Variants in OR14A2 observed in about 807,000 individuals in gnomAD.
OR14A2 encodes the protein olfactory receptor family 14 subfamily A member 2.
For missense variants in OR14A2, 237 were observed against 152.9 expected (o/e 1.55, Z -2.90); for synonymous variants, 114 against 58.6 (o/e 1.95, Z -4.32).
chr1:247,748,140 T>C, the OR14A2 span, among the ~76,000 whole-genome samples: 1 of 152,206 alleles, frequency 6.6e-6, no homozygotes, highest in Non-Finnish European at 1.5e-5. Flanking sequence ...ATATTTCTAA[T>C]TACATCATGT....
the OR14A2 span, among the ~76,000 whole-genome samples, chr1:247,739,740 T>G: frequency 2.0e-5 from 3 of 146,548 alleles, no homozygotes; most frequent in African/African-American, 8.2e-5. Context: ...GCACTTTTTT[T>G]TTTTAAAATT....
chr1:247,745,008 A>G, the OR14A2 span, among the ~76,000 whole-genome samples: 1 of 152,172 alleles, frequency 6.6e-6, no homozygotes, highest in African/African-American at 2.4e-5. Context: ...AGTGGCTTCA[A>G]GAGTTGATTA....
the OR14A2 span, among the ~76,000 whole-genome samples, chr1:247,741,955 T>C: frequency 6.6e-6 from 1 of 152,210 alleles, no homozygotes; most frequent in Non-Finnish European, 1.5e-5. Context: ...CGCCTTGTTT[T>C]CCAAAATTTT....
the OR14A2 span, among the ~76,000 whole-genome samples, chr1:247,735,445 T>G: frequency 1.3e-5 from 2 of 152,182 alleles, no homozygotes; most frequent in African/African-American, 4.8e-5. Flanking sequence ...TAAAGGTTTA[T>G]TCTCATGAGA....
the OR14A2 span, chr1:247,739,374 G>T: frequency 1.3e-6 from 1 of 780,774 alleles, no homozygotes; most frequent in Non-Finnish European, 2.4e-6. Flanking sequence ...TGTAACAGGT[G>T]CTGTTGCTTA....
At chr1:247,729,755 C>G in the OR14A2 span, among the ~76,000 whole-genome samples, 1 of 152,052 alleles carries the variant, frequency 6.6e-6, no homozygotes, top group South Asian at 2.1e-4. Context: ...GAATACTATT[C>G]TCAATGAAAT....
chr1:247,738,607 T>C, the OR14A2 span: 1 of 769,558 alleles, frequency 1.3e-6, no homozygotes, highest in Admixed American at 1.8e-5. Flanking sequence ...CGCTTATAAT[T>C]TTGAACTATG....
At chr1:247,731,784 T>C in the OR14A2 span, among the ~76,000 whole-genome samples, 11 of 152,262 alleles carry the variant, frequency 7.2e-5, no homozygotes, top group East Asian at 2.1e-3. Flanking sequence ...TTTTTTTTCT[T>C]AATTGAGATA....
At chr1:247,742,079 G>A in the OR14A2 span, among the ~76,000 whole-genome samples, 1 of 152,218 alleles carries the variant, frequency 6.6e-6, no homozygotes, top group Non-Finnish European at 1.5e-5. Context: ...GAAACAAAAT[G>A]TGTATTGCAC....
chr1:247,726,019 T>C (rs1464690897), upstream of OR14A2, among the ~76,000 whole-genome samples: 11 of 145,586 alleles, frequency 7.6e-5, no homozygotes, highest in South Asian at 2.2e-3. Flanking sequence ...TATAGCAGCA[T>C]GATTCATAGT....
the OR14A2 span, chr1:247,739,251 G>A: frequency 2.6e-6 from 2 of 780,848 alleles, no homozygotes; most frequent in Non-Finnish European, 4.8e-6. Flanking sequence ...AGTTTGCATT[G>A]TAGTTTCCTA....
chr1:247,723,097 T>C (rs1327043160), downstream of OR14A2: 1 of 707,280 alleles, frequency 1.4e-6, no homozygotes, highest in East Asian at 2.7e-5. Flanking sequence ...AACTTGAAAG[T>C]GTTAAATGAA....
chr1:247,736,300 C>G, the OR14A2 span, among the ~76,000 whole-genome samples: 16 of 152,056 alleles, frequency 1.1e-4, no homozygotes, highest in East Asian at 3.1e-3. Flanking sequence ...CTGAACTTAC[C>G]CTATCTTCCC....
the OR14A2 span, among the ~76,000 whole-genome samples, chr1:247,737,892 CT>C: frequency 2.0e-5 from 3 of 152,076 alleles, no homozygotes; most frequent in Non-Finnish European, 4.4e-5. Flanking sequence ...TAATTAAATC[CT>C]TCCTAGAATA....
chr1:247,724,227 C>A (rs917039252), upstream of OR14A2, among the ~76,000 whole-genome samples: 1 of 151,944 alleles, frequency 6.6e-6, no homozygotes, highest in African/African-American at 2.4e-5. Flanking sequence ...CTTCATTGTT[C>A]ATTTTTTAAG....
chr1:247,727,023 T>A (rs1660389816), upstream of OR14A2, among the ~76,000 whole-genome samples: 1 of 150,704 alleles, frequency 6.6e-6, no homozygotes, highest in African/African-American at 2.5e-5. Flanking sequence ...CGGGCTCTTT[T>A]TTGGTGCCAT....
At chr1:247,739,306 G>A in the OR14A2 span, 1 of 780,816 alleles carries the variant, frequency 1.3e-6, no homozygotes, top group Non-Finnish European at 2.4e-6. Context: ...CAGAGACAGA[G>A]ACAATCCAAA....
the OR14A2 span, among the ~76,000 whole-genome samples, chr1:247,748,067 T>C: frequency 6.6e-6 from 1 of 152,180 alleles, no homozygotes; most frequent in East Asian, 1.9e-4. Flanking sequence ...TCTGATCATA[T>C]CTGATTCTAT....
chr1:247,738,496 G>A, the OR14A2 span: 1 of 614,100 alleles, frequency 1.6e-6, no homozygotes, highest in Non-Finnish European at 2.9e-6. Flanking sequence ...TAAACTTTTT[G>A]TCTAGGCCTT....
Sources: gnomAD v4.1 joint callset for allele counts (sites outside exome capture counted in the v4.1 genomes callset) on GRCh38, gnomAD v4.1.1 for gene constraint, MANE v1.5 for transcripts, NCBI Gene and HGNC (gene_info 2026-07-23, HGNC 2026-07-21) for gene names.